Variants in COL13A1 observed in about 807,000 individuals in gnomAD.
The protein encoded by COL13A1 is collagen alpha-1(XIII) chain.
COL13A1 carries 89 observed loss-of-function variants against 130.9 expected under a neutral mutation model. That is an observed-to-expected ratio of 0.68 (90% confidence interval 0.57 to 0.81). The LOEUF (loss-of-function observed/expected upper bound fraction) is 0.81, where lower values mean the gene tolerates loss of function less well. Ranked by LOEUF, COL13A1 falls within the 30% of genes least tolerant of loss-of-function variation. COL13A1 has a pLI of 0.00. For synonymous variants in COL13A1, 402 were observed against 341.6 expected (o/e 1.18, Z -1.95); for missense variants, 879 against 934.6 (o/e 0.94, Z 0.78).
intron 2 of COL13A1, among the ~76,000 whole-genome samples, chr10:69,847,882 T>C (rs969195991): frequency 3.5e-4 from 54 of 152,348 alleles, no homozygotes; most frequent in African/African-American, 1.3e-3. Context: ...GGGGCTGGTC[T>C]GGGAGGGAGG....
intron 2 of COL13A1, among the ~76,000 whole-genome samples, chr10:69,867,544 G>A (rs968986140): frequency 3.3e-5 from 5 of 152,234 alleles, no homozygotes; most frequent in Admixed American, 2.6e-4. Context: ...AGGCAGAAGG[G>A]CCACCGGCAG....
chr10:69,834,418 A>G (rs1414496510), intron 2 of COL13A1, among the ~76,000 whole-genome samples: 1 of 152,188 alleles, frequency 6.6e-6, no homozygotes, highest in African/African-American at 2.4e-5. Flanking sequence ...AGCAAGTTCT[A>G]GCTACCTACT....
chr10:69,871,749 G>A (rs181603382), intron 3 of COL13A1, among the ~76,000 whole-genome samples: 47 of 152,316 alleles, frequency 3.1e-4, no homozygotes, highest in Non-Finnish European at 4.9e-4. Flanking sequence ...CCCCATGCCC[G>A]TCTCTGGCCA....
chr10:69,802,284 C>A lies in COL13A1; in HGVS notation c.-140C>A. 1 of 1,046,640 alleles carries A rather than the reference C, an allele frequency of 9.6e-7. No individual in the cohort carries two copies. The highest frequency in any genetic ancestry group is 1.3e-6 in the Non-Finnish European group (1 of 788,418). The allele number at this position is 1,046,640 out of a possible 1,614,324, so 64.8% of individuals were successfully genotyped here. On this transcript the variant is annotated 5_prime_UTR_variant, in exon 1 of 41. Transcript: ENST00000645393. ...ACTGCTAATTTTTCCGTCCTCTTTG[C>A]CGGGAGCAGCGGAAAGGGACGTTTT...
At chr10:69,935,546 G>C (rs1013639413) in intron 32 of COL13A1, among the ~76,000 whole-genome samples, 155 bp downstream of exon 32, 4 of 152,162 alleles carry the variant, frequency 2.6e-5, no homozygotes, top group Non-Finnish European at 5.9e-5. Flanking sequence ...TCCCTCCCAT[G>C]TTAAACAGCA....
intron 31 of COL13A1, among the ~76,000 whole-genome samples, chr10:69,933,899 C>T (rs1407121753): frequency 6.6e-6 from 1 of 152,092 alleles, no homozygotes; most frequent in Non-Finnish European, 1.5e-5. Context: ...CATTTTCACT[C>T]CACCCAGTGA....
intron 2 of COL13A1, among the ~76,000 whole-genome samples, chr10:69,852,603 A>T (rs1855201898): frequency 6.6e-6 from 1 of 152,268 alleles, no homozygotes. Flanking sequence ...GCTGAGACTC[A>T]GCAGGGTGGG....
Position 69,927,113 on chromosome 10 carries a change from A to AAGT in COL13A1, c.1422+4_1422+6dup, listed in dbSNP as rs1200321176. ...AGATCCGGACGCTGGCCTTGATGGT[A>AAGT]AGTTTTGCTCCTCCTGGCTTTCCTT... On this transcript the variant is annotated splice_donor_region_variant and intron_variant, in intron 27 of 40. Transcript: ENST00000645393. The AAGT allele has an allele frequency of 4.3e-6, 7 of 1,613,332 alleles. No homozygotes were observed. The African/African-American group carries it at 9.4e-5, about 22-fold the overall frequency.
rs372321927 is a variant in COL13A1, at chr10:69,927,097, C to T, written c.1409C>T (p.Thr470Met). Residue 470 changes from threonine to methionine, a missense_variant, in exon 27 of 41, where the codon ACG becomes ATG. Around this residue, in one of 3 missense-constraint regions of COL13A1, gnomAD observed 715 missense variants for 721.0 expected, o/e 0.99. Transcript: ENST00000645393. ...GTGTTGGTTTTTTAGGAGATCCGGA[C>T]GCTGGCCTTGATGGTAAGTTTTGCT... is the stretch of plus-strand genomic sequence containing the variant. ...NINEALQEIR[T>M]LALMGPPGLP... is the part of the protein sequence containing the mutation. 4.0e-5 allele frequency: 64 copies of T among 1,613,830 alleles called. 1 individual carries two copies. The South Asian group carries it at 4.9e-4, about 12-fold the overall frequency.
In COL13A1 at chr10:69,956,777, G is replaced by C. The variant is rs4096394; in HGVS notation, c.2146-227G>C. ...ACGGGCTAGGACAGCCCCTATTGAC[G>C]TTGCACTATAGCTGCATGTGACCTT... On this transcript the variant is annotated intron_variant, in intron 39 of 40. Coordinates refer to ENST00000645393, the MANE Select transcript of COL13A1 (RefSeq NM_001368882.1). 166,312 of 526,182 alleles carry C rather than the reference G, an allele frequency of 0.32. 27,098 individuals carry two copies. Among genetic ancestry groups the C allele is most frequent in the East Asian group, 0.4 (12,577 of 31,664 alleles). 32.6% of individuals were successfully genotyped at this position (526,182 alleles called of 1,614,324 possible).
chr10:69,922,800 T>G lies in COL13A1; in HGVS notation c.1230+6T>G. 6.4e-7 allele frequency: 1 copy of G among 1,563,704 alleles called. No individual in the cohort carries two copies. Among genetic ancestry groups the G allele is most frequent in the Non-Finnish European group, 8.7e-7 (1 of 1,153,432 alleles). On this transcript the variant is annotated splice_donor_region_variant and intron_variant, in intron 23 of 40. Transcript: ENST00000645393. ...CTGGGCCCCCAGGGCCAAAGGTGAG[T>G]GTTCCCTGGAATTGGTGTTGGGGAG...
intron 38 of COL13A1, among the ~76,000 whole-genome samples, chr10:69,952,295 A>G (rs1483758675): frequency 6.6e-6 from 1 of 152,212 alleles, no homozygotes; most frequent in African/African-American, 2.4e-5. Flanking sequence ...ATACCCACAC[A>G]CACTCAAACG....
chr10:69,879,953 CCCT>C (rs2059964025), intron 6 of COL13A1, among the ~76,000 whole-genome samples: 1 of 152,148 alleles, frequency 6.6e-6, no homozygotes, highest in African/African-American at 2.4e-5. Context: ...GCTCGTGTCC[CCCT>C]CCTCTGTTTT....
chr10:69,906,190 A>G (rs1190615305), intron 17 of COL13A1, among the ~76,000 whole-genome samples: 3 of 152,224 alleles, frequency 2.0e-5, no homozygotes, highest in South Asian at 2.1e-4. Context: ...AGGTTGAGAG[A>G]AGTTTGGGAA....
At chr10:69,836,747 C>T (rs140626052) in intron 2 of COL13A1, among the ~76,000 whole-genome samples, 3 of 152,306 alleles carry the variant, frequency 2.0e-5, no homozygotes, top group East Asian at 3.9e-4. Flanking sequence ...TCCTCAGCCT[C>T]ATGGAGACCC....
intron 13 of COL13A1, chr10:69,897,439 C>T: frequency 6.2e-7 from 1 of 1,612,160 alleles, no homozygotes; most frequent in Non-Finnish European, 8.5e-7. Context: ...GTCCCTGTCG[C>T]CCTGTCTCTG....
At chr10:69,924,925 CT>C in intron 24 of COL13A1, 37 bp from the exon 25 acceptor site, 1 of 1,554,806 alleles carries the variant, frequency 6.4e-7, no homozygotes, top group Non-Finnish European at 8.7e-7. Context: ...TCTGTACCAA[CT>C]TTATCCCCAC....
intron 7 of COL13A1, among the ~76,000 whole-genome samples, chr10:69,882,251 T>C (rs1448262720): frequency 6.6e-6 from 1 of 152,234 alleles, no homozygotes. Flanking sequence ...CTGGTCTGGC[T>C]ACTGATGTTC....
At chr10:69,827,454 G>C (rs1847760846) in intron 2 of COL13A1, among the ~76,000 whole-genome samples, 1 of 152,198 alleles carries the variant, frequency 6.6e-6, no homozygotes, top group African/African-American at 2.4e-5. Context: ...CAGGAGTGGT[G>C]GGGGAGCAGT....
Sources: allele counts gnomAD v4.1 joint callset (sites outside exome capture counted in the v4.1 genomes callset), GRCh38; gene constraint gnomAD v4.1.1; regional missense constraint gnomAD v4.1.1; transcripts MANE v1.5; gene names NCBI Gene and HGNC (gene_info 2026-07-23, HGNC 2026-07-21).